The following TOPORS variants were observed in gnomAD, a reference collection of about 807,000 sequenced individuals.
The protein encoded by TOPORS is E3 ubiquitin-protein ligase Topors.
TOPORS carries 25 observed loss-of-function variants against 81.4 expected under a neutral mutation model. That is an observed-to-expected ratio of 0.31 (90% CI 0.22 to 0.43). The LOEUF (loss-of-function observed/expected upper bound fraction) is 0.43, where lower values mean the gene tolerates loss of function less well. Ranked by LOEUF, TOPORS falls within the 20% of genes least tolerant of loss-of-function variation. The probability of loss-of-function intolerance (pLI) is 1.00; values close to 1 mark genes in which losing one functional copy is unlikely to be tolerated. For missense variants in TOPORS, 1,101 were observed against 1,267.0 expected, an observed-to-expected ratio of 0.87 and a Z score of 1.99; for synonymous variants, 473 against 456.6, an observed-to-expected ratio of 1.04 and a Z score of -0.46.
chr9:32,546,492 C>T (rs1200615741), intron 2 of TOPORS, among the ~76,000 whole-genome samples: 1 of 152,098 alleles, frequency 6.6e-6, no homozygotes, highest in African/African-American at 2.4e-5. Flanking sequence ...TAGTTTTCTC[C>T]TCTATATAAT....
chr9:32,550,609 G>A (rs1480659869), intron 2 of TOPORS, among the ~76,000 whole-genome samples, 165 bp downstream of exon 2: 1 of 152,146 alleles, frequency 6.6e-6, no homozygotes, highest in Non-Finnish European at 1.5e-5. Flanking sequence ...ATCCACAGGT[G>A]CGCGCAGGAG....
Position 32,544,223 on chromosome 9 carries a change from G to T in TOPORS, c.302C>A (p.Ser101Tyr), listed in dbSNP as rs1821112909. 1 of 1,611,582 alleles carries T rather than the reference G, an allele frequency of 6.2e-7. No homozygotes were observed. ...QTVPADASPD[S>Y]KCPICLDRFD... The stretch of plus-strand genomic sequence containing the variant: ...TCTATCCAAGCATATAGGACACTTA[G>T]AATCAGGAGATGCATCAGCTGGTAC... The change falls in exon 3 of 3, where the codon TCT becomes TAT. Residue 101 changes from serine (S) to tyrosine (Y), a missense_variant. Coordinates refer to ENST00000360538, the MANE Select transcript of TOPORS (RefSeq NM_005802.5).
At chr9:32,545,195 G>A (rs72712910) in intron 2 of TOPORS, among the ~76,000 whole-genome samples, 25,539 of 152,076 alleles carry the variant, frequency 0.17, 2,624 homozygotes, top group South Asian at 0.37. Context: ...ATTATATTCA[G>A]TTAATCACTC....
rs757342756 is a variant in TOPORS, at chr9:32,552,417, TGC to T, written c.3+15_3+16del. On this transcript the variant is annotated intron_variant, in intron 1 of 2. Coordinates refer to ENST00000360538, the MANE Select transcript of TOPORS (RefSeq NM_005802.5). ...GCAGCTCCCGCCAGCTCCCGCGGAC[TGC>T]TGCCGCCTCCTTACCATGAAGCCAG... The T allele has an allele frequency of 1.2e-6, 2 of 1,609,190 alleles. No homozygotes were observed. Among genetic ancestry groups the T allele is most frequent in the South Asian group, 2.2e-5 (2 of 90,128 alleles).
Position 32,550,903 on chromosome 9 carries a change from G to C in TOPORS, c.69C>G (p.Pro23=), listed in dbSNP as rs201113897. The change falls in exon 2 of 3, where the codon CCC becomes CCG. Residue 23 remains proline (P), a synonymous_variant. Transcript: ENST00000360538. ...REEGEAPPPA[P]ASEGRRRSRR... ...GACTTCTCCGCCTACCCTCCGAAGC[G>C]GGAGCAGGCGGGGGCGCTTCACCCT... is the stretch of plus-strand genomic sequence containing the variant. 1.7e-5 allele frequency: 27 copies of C among 1,612,982 alleles called. No homozygotes were observed. In the East Asian group the frequency reaches 4.0e-4, roughly 24 times the overall value.
Position 32,552,439 on chromosome 9 carries a change from A to T in TOPORS, c.-3T>A. 6.2e-7 allele frequency: 1 copy of T among 1,608,600 alleles called. No homozygotes were observed. The highest frequency in any genetic ancestry group is 1.7e-5 in the Admixed American group (1 of 59,480). ...GACTGCTGCCGCCTCCTTACCATGA[A>T]GCCAGTAAGTCGTCGCACGCTGGAC... On this transcript the variant is annotated 5_prime_UTR_variant, in exon 1 of 3. Coordinates refer to ENST00000360538, the MANE Select transcript of TOPORS (RefSeq NM_005802.5).
At position 32,543,637 on chromosome 9, in the gene TOPORS, TA is replaced by T; in HGVS notation, c.887del (p.Leu296Ter). ...FRRNPACLHR[L>X]VPWLKRELTV... ...TAAGTTCACGTTTTAACCAGGGGAC[TA>T]ATCTGTGAAGGCAAGCTGGATTTCT... On this transcript the variant is annotated frameshift_variant, in exon 3 of 3. Coordinates refer to ENST00000360538, the MANE Select transcript of TOPORS (RefSeq NM_005802.5). LOFTEE classifies it high-confidence loss of function. The surrounding 1 kb of genome is among the most constrained non-coding windows in gnomAD (Gnocchi z 5.6). The T allele has an allele frequency of 6.2e-7, 1 of 1,612,908 alleles. No individual in the cohort carries two copies.
rs1333781711 is a variant in TOPORS at position 32,544,383 on chromosome 9, T to C, written c.199-57A>G. 3 of 1,545,536 alleles carry C rather than the reference T, an allele frequency of 1.9e-6. No individual in the cohort carries two copies. In the African/African-American group the frequency reaches 4.1e-5, roughly 21 times the overall value. On this transcript the variant is annotated intron_variant, in intron 2 of 2. Transcript: ENST00000360538. The stretch of plus-strand genomic sequence containing the variant: ...TGATAATAGAGGAATGACTAAATAG[T>C]CTCAACAAAAATGCAAATAAAGACC...
intron 1 of TOPORS, 91 bp from the exon 2 acceptor site, chr9:32,551,059 C>T: frequency 7.0e-7 from 1 of 1,428,606 alleles, no homozygotes; most frequent in South Asian, 1.2e-5. Flanking sequence ...CAAAACACAA[C>T]ACCCGCCTTC....
At chr9:32,551,043 G>T in intron 1 of TOPORS, 75 bp from the exon 2 acceptor site, 1 of 1,535,726 alleles carries the variant, frequency 6.5e-7, no homozygotes, top group Non-Finnish European at 8.8e-7. Flanking sequence ...CCCAGCTCCC[G>T]CGCATCAAAA....
At chr9:32,548,335 C>T (rs1191580845) in intron 2 of TOPORS, among the ~76,000 whole-genome samples, 13 of 150,930 alleles carry the variant, frequency 8.6e-5, no homozygotes, top group Admixed American at 8.6e-4. Flanking sequence ...ACCAGCCTGA[C>T]CAACATGGAG....
chr9:32,548,622 G>C (rs1371586209), intron 2 of TOPORS, among the ~76,000 whole-genome samples: 3 of 152,152 alleles, frequency 2.0e-5, no homozygotes, highest in Admixed American at 6.5e-5. Context: ...AAAACACAGT[G>C]CTTCAGGTTC....
intron 1 of TOPORS, 191 bp from the exon 2 acceptor site, chr9:32,551,159 C>G: frequency 1.5e-6 from 1 of 688,230 alleles, no homozygotes; most frequent in Non-Finnish European, 2.5e-6. Flanking sequence ...CGCTCCAGAC[C>G]CCGGAGGAGG....
In TOPORS at chr9:32,542,146, T is replaced by C; in HGVS notation, c.2379A>G (p.Gly793=). Residue 793 remains glycine, a synonymous_variant, in exon 3 of 3, where the codon GGA becomes GGG. Coordinates refer to ENST00000360538, the MANE Select transcript of TOPORS (RefSeq NM_005802.5). Reference sequence around the variant, plus strand: ...GCCGTGTTTTGTATTTTCGTTTCCCTCCAGGCTTTTCATTTCTCACCCGGT... The same window carrying C: ...GCCGTGTTTTGTATTTTCGTTTCCCCCCAGGCTTTTCATTTCTCACCCGGT... ...GTDRVRNEKP[G]GKRKYKTRHL... is the part of the protein sequence containing the mutation. 6.2e-7 allele frequency: 1 copy of C among 1,614,172 alleles called. No individual in the cohort carries two copies. The highest frequency in any genetic ancestry group is 8.5e-7 in the Non-Finnish European group (1 of 1,180,022).
chr9:32,541,851 T>G lies in TOPORS; in HGVS notation c.2674A>C (p.Lys892Gln), dbSNP rs1196361273. The G allele has an allele frequency of 3.7e-6, 6 of 1,614,116 alleles. No individual in the cohort carries two copies. The highest frequency in any genetic ancestry group is 5.1e-6 in the Non-Finnish European group (6 of 1,179,984). Reference sequence around the variant, plus strand: ...TTATCTCCATGGTGTTTCTTATGCTTCTTCTTATGTTTCTTCTTTTTCTTT... The same window carrying G: ...TTATCTCCATGGTGTTTCTTATGCTGCTTCTTATGTTTCTTCTTTTTCTTT... Reference protein sequence around the residue: ...HKKKKKKHKKKHKKHHGDNAS... With the variant: ...HKKKKKKHKKQHKKHHGDNAS... The change falls in exon 3 of 3, where the codon AAG (lysine) becomes CAG (glutamine). Residue 892 changes from lysine (K) to glutamine (Q), a missense_variant. Physicochemically the swap from Lys to Gln is moderately conservative, Grantham distance 53. Transcript: ENST00000360538.
rs922714823 is a variant in TOPORS at position 32,541,105 on chromosome 9, A to C, written c.*282T>G. 6 of 268,678 alleles carry C rather than the reference A, an allele frequency of 2.2e-5. No individual in the cohort carries two copies. Among genetic ancestry groups the C allele is most frequent in the Non-Finnish European group, 3.6e-5 (5 of 139,524 alleles). 16.6% of individuals were successfully genotyped at this position (268,678 alleles called of 1,614,324 possible). ...TATGGCTTTATGAAATAACTTCTAA[A>C]ATTTATATAATTTTTCTTATTTAAA... On this transcript the variant is annotated 3_prime_UTR_variant, in exon 3 of 3. Coordinates refer to ENST00000360538, the MANE Select transcript of TOPORS (RefSeq NM_005802.5).
Position 32,542,602 on chromosome 9 carries a change from T to A in TOPORS, c.1923A>T (p.Arg641Ser). The change falls in exon 3 of 3, where the codon AGA becomes AGT. Residue 641 changes from arginine (R) to serine (S), a missense_variant. By Grantham distance (110) the Arg-to-Ser change is moderately radical. Transcript: ENST00000360538. Reference sequence around the variant, plus strand: ...CTCTAGTTCTTGATCTCTTTTTGTCTCTTCTCCCTCTAGGTCTGCTACTTT... The same window carrying A: ...CTCTAGTTCTTGATCTCTTTTTGTCACTTCTCCCTCTAGGTCTGCTACTTT... Reference protein sequence around the residue: ...SRESSRPRGRRDKKRSRTRDS... With the variant: ...SRESSRPRGRSDKKRSRTRDS... The A allele has an allele frequency of 6.2e-7, 1 of 1,614,148 alleles. No homozygotes were observed. Among genetic ancestry groups the A allele is most frequent in the Non-Finnish European group, 8.5e-7 (1 of 1,180,024 alleles).
At chr9:32,546,331 T>C (rs1821140160) in intron 2 of TOPORS, among the ~76,000 whole-genome samples, 1 of 152,168 alleles carries the variant, frequency 6.6e-6, no homozygotes, top group African/African-American at 2.4e-5. Flanking sequence ...TAAAAACCTT[T>C]CAGTTCAGAG....
At chr9:32,546,930 C>G (rs1036907856) in intron 2 of TOPORS, among the ~76,000 whole-genome samples, 24 of 152,180 alleles carry the variant, frequency 1.6e-4, no homozygotes, top group African/African-American at 5.6e-4. Context: ...CCCAGCTACT[C>G]AGGAGGCTGA....
Sources: allele counts gnomAD v4.1 joint callset (sites outside exome capture counted in the v4.1 genomes callset), GRCh38; gene constraint gnomAD v4.1.1; non-coding constraint Gnocchi (gnomAD v3.1); transcripts MANE v1.5; gene names NCBI Gene and HGNC (gene_info 2026-07-23, HGNC 2026-07-21).